The following UBE2D4 variants were observed in gnomAD, a reference collection of about 807,000 sequenced individuals.
UBE2D4 encodes ubiquitin-conjugating enzyme E2 D4.
In UBE2D4, 17 loss-of-function variants were observed where a neutral mutation model predicts 23.0. The ratio of observed to expected loss-of-function variants is 0.74; its 90% CI spans 0.51 to 1.11. The LOEUF (loss-of-function observed/expected upper bound fraction) is 1.11, where lower values mean the gene tolerates loss of function less well. UBE2D4 is among the 50% of genes least tolerant of loss of function. UBE2D4 has a pLI of 0.00. For missense variants in UBE2D4, 139 were observed against 181.8 expected, an observed-to-expected ratio of 0.76 and a Z score of 1.35; for synonymous variants, 61 against 69.4, an observed-to-expected ratio of 0.88 and a Z score of 0.60.
chr7:43,943,180 C>T (rs745990711), intron 4 of UBE2D4, 149 bp downstream of exon 4: 5 of 753,580 alleles, frequency 6.6e-6, no homozygotes, highest in Non-Finnish European at 1.1e-5. Context: ...TTTCCCAGGA[C>T]TTTAATTACT....
intron 1 of UBE2D4, among the ~76,000 whole-genome samples, chr7:43,929,635 G>T (rs2095941152): frequency 1.3e-5 from 2 of 151,874 alleles, no homozygotes; most frequent in African/African-American, 4.8e-5. Context: ...CAAGAATCAA[G>T]GTCAGGGCTG....
chr7:43,941,026 G>C (rs1310469323), intron 2 of UBE2D4: 1 of 152,250 alleles, frequency 6.6e-6, no homozygotes, highest in East Asian at 1.9e-4. Context: ...TAGGGGCTTG[G>C]GAAACTTCTG....
chr7:43,932,925 C>T (rs2095949125), intron 1 of UBE2D4, among the ~76,000 whole-genome samples: 1 of 145,272 alleles, frequency 6.9e-6, no homozygotes, highest in African/African-American at 2.5e-5. Flanking sequence ...AGTGGGGTCA[C>T]TTTTTCTTGC....
At chr7:43,927,965 C>T (rs912469572) in intron 1 of UBE2D4, 1 of 441,240 alleles carries the variant, frequency 2.3e-6, no homozygotes, top group Admixed American at 2.4e-5. Flanking sequence ...ATATCTGAGG[C>T]TGGGTAATTA....
At chr7:43,952,368 G>T (rs1178231951) in intron 6 of UBE2D4, 2 of 347,038 alleles carry the variant, frequency 5.8e-6, no homozygotes, top group Non-Finnish European at 1.1e-5. Context: ...GAGAAAGAAA[G>T]GGAGGAAGTC....
Position 43,951,517 on chromosome 7 carries a change from T to G in UBE2D4, c.398+825T>G, listed in dbSNP as rs561664161. ...TTACTTCTTTTCTGTCTGAAGAGAT[T>G]AGAATAGAGTATGTTTTTCCCTTTT... On this transcript the variant is annotated intron_variant, in intron 6 of 6. Transcript: ENST00000222402. Among the ~76,000 whole-genome samples the G allele has an allele frequency of 6.6e-5, 10 of 152,114 alleles. No individual in the cohort carries two copies. The South Asian group carries it at 8.3e-4, about 13-fold the overall frequency.
chr7:43,926,665 T>C (rs2095931580), intron 1 of UBE2D4, 109 bp downstream of exon 1: 1 of 1,216,338 alleles, frequency 8.2e-7, no homozygotes, highest in African/African-American at 1.6e-5. Context: ...GAGTCGCGGA[T>C]ACACCTGCCT....
intron 1 of UBE2D4, among the ~76,000 whole-genome samples, chr7:43,931,774 C>A (rs938353018): frequency 6.6e-6 from 1 of 152,146 alleles, no homozygotes; most frequent in Non-Finnish European, 1.5e-5. Flanking sequence ...TTTCTGATCA[C>A]TGCAGCCTCC....
intron 2 of UBE2D4, chr7:43,941,575 G>A (rs1043891137): frequency 6.6e-6 from 1 of 152,344 alleles, no homozygotes; most frequent in Non-Finnish European, 1.5e-5. Context: ...AGAGGACTCA[G>A]ATGAAGGCAG....
intron 4 of UBE2D4, chr7:43,943,260 CCA>C (rs2095977588): frequency 1.7e-6 from 1 of 598,364 alleles, no homozygotes; most frequent in African/African-American, 1.9e-5. Context: ...CTTACTGAGG[CCA>C]CAGTTTGAAT....
chr7:43,927,682 A>G (rs2095935765), intron 1 of UBE2D4, among the ~76,000 whole-genome samples: 1 of 152,190 alleles, frequency 6.6e-6, no homozygotes, highest in African/African-American at 2.4e-5. Flanking sequence ...AGTAGGTAAA[A>G]GTATGGACTT....
At chr7:43,929,419 C>CT (rs1168381365) in intron 1 of UBE2D4, among the ~76,000 whole-genome samples, 30 of 141,772 alleles carry the variant, frequency 2.1e-4, no homozygotes, top group African/African-American at 8.0e-4. Flanking sequence ...GAGCGAGACT[C>CT]TGTCTTAAAA....
chr7:43,940,607 G>T (rs968361186), intron 2 of UBE2D4, among the ~76,000 whole-genome samples: 1 of 152,048 alleles, frequency 6.6e-6, no homozygotes, highest in Non-Finnish European at 1.5e-5. Context: ...TTTCACACCC[G>T]CCTCATGGGC....
At position 43,944,991 on chromosome 7, in the gene UBE2D4, A is replaced by T. The variant is rs946429886; in HGVS notation, c.198+1960A>T. The T allele has an allele frequency of 6.6e-5, 10 of 151,914 alleles. No individual in the cohort carries two copies. In the East Asian group the frequency reaches 1.9e-3, roughly 29 times the overall value. The allele number at this position is 151,914 out of a possible 1,614,324, so 9.4% of individuals were successfully genotyped here. A position where few individuals can be genotyped will look rare whatever the true frequency, so the allele number is the denominator to read the frequency against. ...ACAGTGATTATTATTATTATTTTTTAATTATTATTATTATTTTTGAGACAC... is the reference window on the plus strand; with the variant it reads ...ACAGTGATTATTATTATTATTTTTTTATTATTATTATTATTTTTGAGACAC... On this transcript the variant is annotated intron_variant, in intron 4 of 6. Coordinates refer to ENST00000222402, the MANE Select transcript of UBE2D4 (RefSeq NM_015983.4). This position sits in a 1 kb window ranked among gnomAD's most constrained non-coding sequence, Gnocchi z 4.0.
At position 43,952,829 on chromosome 7, in the gene UBE2D4, C is replaced by T; in HGVS notation, c.*134C>T. The T allele has an allele frequency of 1.4e-6, 1 of 731,328 alleles. No homozygotes were observed. Among genetic ancestry groups the T allele is most frequent in the East Asian group, 2.6e-5 (1 of 37,984 alleles). The allele number at this position is 731,328 out of a possible 1,614,324, so 45.3% of individuals were successfully genotyped here. On this transcript the variant is annotated 3_prime_UTR_variant, in exon 7 of 7. Transcript: ENST00000222402. ...TTCAAACAAATGTTGGTCACCCACT[C>T]TCTCCAGCTGCAGCATGTTGGTGCC...
In UBE2D4 at chr7:43,952,643, A is replaced by G; in HGVS notation, c.399-7A>G. On this transcript the variant is annotated splice_region_variant and splice_polypyrimidine_tract_variant and intron_variant, in intron 6 of 6. Transcript: ENST00000222402. ...AGGGTGTCACTTCCTCTGCTTTTTTATTCCAGGTACAACAGACTAGCAAGA... is the reference window on the plus strand; with the variant it reads ...AGGGTGTCACTTCCTCTGCTTTTTTGTTCCAGGTACAACAGACTAGCAAGA... 1 of 1,613,588 alleles carries G rather than the reference A, an allele frequency of 6.2e-7. No homozygotes were observed. Among genetic ancestry groups the G allele is most frequent in the Non-Finnish European group, 8.5e-7 (1 of 1,179,586 alleles).
intron 6 of UBE2D4, among the ~76,000 whole-genome samples, chr7:43,951,248 C>T (rs578081473): frequency 6.6e-6 from 1 of 152,302 alleles, no homozygotes; most frequent in East Asian, 1.9e-4. Flanking sequence ...AATTCCGACC[C>T]CCTAGGCCAG....
intron 1 of UBE2D4, among the ~76,000 whole-genome samples, chr7:43,934,836 A>G (rs2095954992): frequency 6.6e-6 from 1 of 152,202 alleles, no homozygotes. Context: ...TCTTTCACAA[A>G]TCACTAATAT....
chr7:43,935,982 C>A (rs1173869594), intron 1 of UBE2D4, among the ~76,000 whole-genome samples: 1 of 152,210 alleles, frequency 6.6e-6, no homozygotes, highest in African/African-American at 2.4e-5. Context: ...TAAAGCGATT[C>A]TTGTGCCTCA....
Sources: gnomAD v4.1 joint callset for allele counts (sites outside exome capture counted in the v4.1 genomes callset) on GRCh38, gnomAD v4.1.1 for gene constraint, Gnocchi (gnomAD v3.1) non-coding constraint, MANE v1.5 for transcripts, NCBI Gene and HGNC (gene_info 2026-07-23, HGNC 2026-07-21) for gene names.